C10orf67: variants seen among roughly 807,000 people sequenced by gnomAD.
C10orf67 encodes chromosome 10 open reading frame 67.
In C10orf67, 60 loss-of-function variants were observed where a neutral mutation model predicts 35.6. The observed-to-expected ratio is 1.68, with a 90% CI of 1.37 to 2.09. The LOEUF is 2.09. Ranked by LOEUF, C10orf67 falls within the 30% of genes most tolerant of loss-of-function variation. C10orf67 has a pLI of 0.00. For missense variants in C10orf67, 474 were observed against 330.2 expected (o/e 1.44, Z -3.38); for synonymous variants, 167 against 115.8 (o/e 1.44, Z -2.84).
chr10:23,307,387 G>T (rs1020932554), intron 4 of C10orf67, among the ~76,000 whole-genome samples: 2 of 152,062 alleles, frequency 1.3e-5, no homozygotes, highest in Non-Finnish European at 2.9e-5. Context: ...TTTCAAAAGA[G>T]TTAGATTTGT....
At chr10:23,209,334 C>T (rs1841243333) in intron 15 of C10orf67, among the ~76,000 whole-genome samples, 1 of 151,840 alleles carries the variant, frequency 6.6e-6, no homozygotes, top group South Asian at 2.1e-4. Flanking sequence ...GAGAAGGGTG[C>T]TCTGAATAGG....
chr10:23,258,500 A>G (rs1179790884), intron 10 of C10orf67: 2 of 167,312 alleles, frequency 1.2e-5, no homozygotes, highest in Non-Finnish European at 2.7e-5. Context: ...ATGCATCCAA[A>G]AGCTACCAGG....
Position 23,323,952 on chromosome 10 carries a change from T to TACACACACAC in C10orf67, c.328-1425_328-1416dup, listed in dbSNP as rs747699026. ...ATATATATATATATATATATATATA[T>TACACACACAC]ACACACACACACACATATGAGTTAA... is the stretch of plus-strand genomic sequence containing the variant. On this transcript the variant is annotated intron_variant, in intron 2 of 15. Coordinates refer to ENST00000636213, the MANE Select transcript of C10orf67 (RefSeq NM_001371909.1). Among the ~76,000 whole-genome samples the TACACACACAC allele has an allele frequency of 2.8e-3, 178 of 64,658 alleles. 11 individuals are homozygous for TACACACACAC. Among genetic ancestry groups the TACACACACAC allele is most frequent in the South Asian group, 7.8e-3 (13 of 1,674 alleles). 42.4% of individuals were successfully genotyped at this position (64,658 alleles called of 152,430 possible). A position where few individuals can be genotyped will look rare whatever the true frequency, so the allele number is the denominator to read the frequency against.
At chr10:23,227,456 T>C (rs927236174) in intron 13 of C10orf67, among the ~76,000 whole-genome samples, 1 of 152,100 alleles carries the variant, frequency 6.6e-6, no homozygotes, top group Non-Finnish European at 1.5e-5. Flanking sequence ...TAAGAGCTAT[T>C]TATGACAAAC....
intron 4 of C10orf67, among the ~76,000 whole-genome samples, chr10:23,315,701 A>G (rs1844678512): frequency 6.6e-6 from 1 of 152,154 alleles, no homozygotes; most frequent in African/African-American, 2.4e-5. Flanking sequence ...TCGGCCCCCC[A>G]CAGTGCTAGG....
At chr10:23,259,175 C>T (rs1189271232) in intron 10 of C10orf67, among the ~76,000 whole-genome samples, 1 of 152,174 alleles carries the variant, frequency 6.6e-6, no homozygotes. Flanking sequence ...GTTTACCAAT[C>T]TTTAGTGAGC....
intron 1 of C10orf67, among the ~76,000 whole-genome samples, chr10:23,336,285 A>T (rs1845678163): frequency 6.6e-6 from 1 of 152,222 alleles, no homozygotes; most frequent in African/African-American, 2.4e-5. Flanking sequence ...AATGGGAAGA[A>T]TTGGTATGAA....
At chr10:23,271,185 C>G (rs1426185809) in intron 8 of C10orf67, among the ~76,000 whole-genome samples, 2 of 152,304 alleles carry the variant, frequency 1.3e-5, no homozygotes, top group East Asian at 3.9e-4. Context: ...AAGGGCACTA[C>G]ATAATGGTAA....
At chr10:23,337,354 C>T (rs553878669) in intron 1 of C10orf67, among the ~76,000 whole-genome samples, 6 of 152,118 alleles carry the variant, frequency 3.9e-5, no homozygotes, top group Admixed American at 2.0e-4. Flanking sequence ...GCCAACATGG[C>T]GAGACCTTGT....
chr10:23,219,273 G>A (rs912583553), intron 15 of C10orf67, among the ~76,000 whole-genome samples: 1 of 152,154 alleles, frequency 6.6e-6, no homozygotes, highest in Non-Finnish European at 1.5e-5. Flanking sequence ...AGATACTGAT[G>A]TTTGAGCTTT....
chr10:23,322,579 A>G (rs1197505685), intron 2 of C10orf67, 42 bp from the exon 3 acceptor site: 1 of 1,362,496 alleles, frequency 7.3e-7, no homozygotes. Context: ...TAACACAGGA[A>G]CAGAAAACCA....
intron 8 of C10orf67, among the ~76,000 whole-genome samples, chr10:23,273,558 C>T (rs574604546): frequency 1.3e-4 from 20 of 152,250 alleles, no homozygotes; most frequent in Non-Finnish European, 2.4e-4. Flanking sequence ...TAAATCAGGT[C>T]CAGGTGCAGA....
At chr10:23,307,532 A>G (rs1344931975) in intron 4 of C10orf67, among the ~76,000 whole-genome samples, 3 of 152,136 alleles carry the variant, frequency 2.0e-5, no homozygotes, top group South Asian at 4.1e-4. Context: ...AAGAGTGAAA[A>G]AGAATACTCC....
Position 23,322,421 on chromosome 10 carries a change from G to T in C10orf67, c.444C>A (p.Ile148=). The part of the protein sequence containing the change: ...LSLFTILHDR[I]LEIEKHYQQN... Reference sequence around the variant, plus strand: ...GTTGATAATGCTTTTCAATTTCTAGGATCCTGTCATGCAGAATGGTGAAGA... The same window carrying T: ...GTTGATAATGCTTTTCAATTTCTAGTATCCTGTCATGCAGAATGGTGAAGA... Residue 148 remains isoleucine (I), a synonymous_variant, in exon 3 of 16, where the codon ATC becomes ATA. Coordinates refer to ENST00000636213, the MANE Select transcript of C10orf67 (RefSeq NM_001371909.1). The T allele has an allele frequency of 6.2e-7, 1 of 1,609,144 alleles. No individual in the cohort carries two copies. Among genetic ancestry groups the T allele is most frequent in the East Asian group, 2.2e-5 (1 of 44,846 alleles).
At chr10:23,300,073 T>C (rs2132278879) in intron 5 of C10orf67, among the ~76,000 whole-genome samples, 1 of 151,990 alleles carries the variant, frequency 6.6e-6, no homozygotes, top group Non-Finnish European at 1.5e-5. Context: ...TGGGGCTCTG[T>C]GAGGGTGATG....
At chr10:23,322,837 A>AT (rs1845012878) in intron 2 of C10orf67, among the ~76,000 whole-genome samples, 1 of 151,244 alleles carries the variant, frequency 6.6e-6, no homozygotes, top group South Asian at 2.1e-4. Context: ...TAAAAGTTAA[A>AT]ATATATATAT....
chr10:23,227,395 T>C (rs1326249076), intron 13 of C10orf67, among the ~76,000 whole-genome samples: 3 of 152,220 alleles, frequency 2.0e-5, no homozygotes, highest in Non-Finnish European at 2.9e-5. Context: ...CAGCCCTTCA[T>C]GCTAAAAACT....
At chr10:23,322,053 G>A (rs1844976407) in intron 3 of C10orf67, among the ~76,000 whole-genome samples, 1 of 152,164 alleles carries the variant, frequency 6.6e-6, no homozygotes, top group African/African-American at 2.4e-5. Context: ...TTCCCAAAGT[G>A]GTAGGATTAG....
chr10:23,344,692 C>G lies in C10orf67; in HGVS notation c.83G>C (p.Arg28Thr). 6.3e-7 allele frequency: 1 copy of G among 1,576,442 alleles called. No homozygotes were observed. ...RWVHCFSSSL[R>T]GTFGTRWEAM... ...CTCCCAGCGTGTGCCAAAGGTCCCC[C>G]TCAAGGAGGAGGAAAAGCAGTGAAC... The change falls in exon 1 of 16, where the codon AGG becomes ACG. Residue 28 changes from arginine to threonine, a missense_variant. Transcript: ENST00000636213.
Sources: gnomAD v4.1 joint callset for allele counts (sites outside exome capture counted in the v4.1 genomes callset) on GRCh38, gnomAD v4.1.1 for gene constraint, MANE v1.5 for transcripts, NCBI Gene and HGNC (gene_info 2026-07-23, HGNC 2026-07-21) for gene names.